Variants in SLC30A10 observed in about 807,000 individuals in gnomAD.
The protein encoded by SLC30A10 is solute carrier family 30 member 10.
Under a neutral mutation model 21.7 loss-of-function variants are expected in SLC30A10, and 8 were observed. The ratio of observed to expected loss-of-function variants is 0.37; its 90% CI spans 0.22 to 0.67. SLC30A10 has a LOEUF of 0.67. Among genes scored for constraint, SLC30A10 ranks in the 30% least tolerant of loss-of-function variants. The probability of loss-of-function intolerance (pLI) is 0.58; values close to 1 mark genes in which losing one functional copy is unlikely to be tolerated. For missense variants in SLC30A10, 521 were observed against 642.5 expected, an observed-to-expected ratio of 0.81 and a Z score of 2.04; for synonymous variants, 272 against 279.4, an observed-to-expected ratio of 0.97 and a Z score of 0.26.
At chr1:219,935,859 T>C (rs943034776) in intron 1 of SLC30A10, among the ~76,000 whole-genome samples, 4 of 152,158 alleles carry the variant, frequency 2.6e-5, no homozygotes, top group African/African-American at 9.7e-5. Flanking sequence ...TTAAAACAAA[T>C]TAGCTATTGA....
chr1:219,938,695 T>G (rs1660078601), intron 1 of SLC30A10, among the ~76,000 whole-genome samples: 1 of 152,208 alleles, frequency 6.6e-6, no homozygotes, highest in Non-Finnish European at 1.5e-5. Context: ...ATGTTATCAA[T>G]TGCTTCCAAA....
At chr1:219,952,944 CG>C (rs1358408814) in intron 1 of SLC30A10, among the ~76,000 whole-genome samples, 7 of 152,236 alleles carry the variant, frequency 4.6e-5, no homozygotes, top group African/African-American at 1.7e-4. Flanking sequence ...GACCCCTTCA[CG>C]GGACAACAAG....
At chr1:219,951,123 G>T (rs1157230667) in intron 1 of SLC30A10, among the ~76,000 whole-genome samples, 1 of 151,964 alleles carries the variant, frequency 6.6e-6, no homozygotes, top group Non-Finnish European at 1.5e-5. Flanking sequence ...ACCACATCTG[G>T]CTAATTTTTC....
chr1:219,929,874 G>T (rs1659940692), upstream of SLC30A10, among the ~76,000 whole-genome samples: 1 of 152,146 alleles, frequency 6.6e-6, no homozygotes, highest in Admixed American at 6.5e-5. Flanking sequence ...TATCCAGAAG[G>T]TAACTGTCTC....
At chr1:219,925,644 TATATATA>T (rs1342004515) in intron 2 of SLC30A10, among the ~76,000 whole-genome samples, 35 of 77,324 alleles carry the variant, frequency 4.5e-4, no homozygotes, top group African/African-American at 1.3e-3. Flanking sequence ...TATATATATA[TATATATA>T]TTTTTTTTTT....
chr1:219,912,170 C>CAA lies in SLC30A10; in HGVS notation c.*3277_*3278dup, dbSNP rs59792236. 0.014 allele frequency among the ~76,000 whole-genome samples: 1,062 copies of CAA among 74,620 alleles called. 78 individuals carry two copies. The highest frequency in any genetic ancestry group is 0.042 in the East Asian group (122 of 2,914). 49.0% of individuals were successfully genotyped at this position (74,620 alleles called of 152,430 possible). On this transcript the variant is annotated 3_prime_UTR_variant, in exon 4 of 4. Transcript: ENST00000366926. ...CCACTGGAATTTGCTCTACCAATGG[C>CAA]AAAAAAAAAAAAAAAAAAAAAAAAA...
intron 1 of SLC30A10, among the ~76,000 whole-genome samples, chr1:219,937,045 G>A (rs1498392): frequency 1.3e-5 from 2 of 152,060 alleles, no homozygotes; most frequent in African/African-American, 4.8e-5. Flanking sequence ...GAGCTCTTGG[G>A]TTATCTACAT....
intron 2 of SLC30A10, among the ~76,000 whole-genome samples, chr1:219,925,651 A>ATTTTTT (rs1210071228): frequency 1.0e-4 from 5 of 48,280 alleles, no homozygotes; most frequent in African/African-American, 2.3e-4. Context: ...ATATATATAT[A>ATTTTTT]TTTTTTTTTT....
In SLC30A10 at chr1:219,912,128, G is replaced by C. The variant is rs885291; in HGVS notation, c.*3321C>G. 1.1e-4 allele frequency among the ~76,000 whole-genome samples: 13 copies of C among 122,968 alleles called. No homozygotes were observed. Among genetic ancestry groups the C allele is most frequent in the African/African-American group, 3.4e-4 (11 of 32,202 alleles). The allele number at this position is 122,968 out of a possible 152,430, so 80.7% of individuals were successfully genotyped here. A position where few individuals can be genotyped will look rare whatever the true frequency, so the allele number is the denominator to read the frequency against. On this transcript the variant is annotated 3_prime_UTR_variant, in exon 4 of 4. Coordinates refer to ENST00000366926, the MANE Select transcript of SLC30A10 (RefSeq NM_018713.3). ...AAACACCTGTCTCTACTGAACTTTA[G>C]AGTTCTTGATTTACCACCACTGGAA... is the stretch of plus-strand genomic sequence containing the variant.
Position 219,928,269 on chromosome 1 carries a change from C to T in SLC30A10, c.172G>A (p.Gly58Ser). The T allele has an allele frequency of 6.3e-7, 1 of 1,594,630 alleles. No homozygotes were observed. Among genetic ancestry groups the T allele is most frequent in the Middle Eastern group, 1.7e-4 (1 of 6,048 alleles). ...LISLCVGLSAGYIARRPTRGF... is the reference protein window; with the variant it reads ...LISLCVGLSASYIARRPTRGF... Reference sequence around the variant, plus strand: ...CGGGTGGGGCGCCGGGCGATGTAGCCGGCGCTCAGGCCCACGCACAGCGAG... The same window carrying T: ...CGGGTGGGGCGCCGGGCGATGTAGCTGGCGCTCAGGCCCACGCACAGCGAG... Residue 58 changes from glycine to serine, a missense_variant, in exon 1 of 4, where the codon GGC becomes AGC. Coordinates refer to ENST00000366926, the MANE Select transcript of SLC30A10 (RefSeq NM_018713.3). The surrounding 1 kb of genome is among the most constrained non-coding windows in gnomAD (Gnocchi z 6.3).
chr1:219,932,258 G>A (rs573866543), upstream of SLC30A10, among the ~76,000 whole-genome samples: 12 of 152,072 alleles, frequency 7.9e-5, no homozygotes, highest in East Asian at 9.7e-4. Context: ...GAGATGGGGC[G>A]TGAGCCACTG....
intron 2 of SLC30A10, among the ~76,000 whole-genome samples, chr1:219,923,102 G>A (rs533249209): frequency 3.9e-5 from 6 of 152,300 alleles, no homozygotes; most frequent in East Asian, 1.9e-4. Context: ...TATTGGCACC[G>A]GAACAGCAAG....
At chr1:219,944,830 G>C (rs1660166759) in intron 1 of SLC30A10, among the ~76,000 whole-genome samples, 2 of 152,094 alleles carry the variant, frequency 1.3e-5, no homozygotes. Context: ...AAAAATAGAA[G>C]GAACAAACAG....
chr1:219,944,804 G>A (rs894767197), intron 1 of SLC30A10, among the ~76,000 whole-genome samples: 10 of 152,138 alleles, frequency 6.6e-5, no homozygotes, highest in South Asian at 4.1e-4. Context: ...GCCAGGAAAC[G>A]GAAAATAGAG....
At chr1:219,924,660 C>T (rs755290428) in intron 2 of SLC30A10, among the ~76,000 whole-genome samples, 41 of 152,120 alleles carry the variant, frequency 2.7e-4, no homozygotes, top group African/African-American at 9.7e-4. Flanking sequence ...CCAGCAATTC[C>T]ACCCACTAAT....
intron 1 of SLC30A10, among the ~76,000 whole-genome samples, chr1:219,950,555 T>C (rs1182318153): frequency 6.6e-6 from 1 of 151,134 alleles, no homozygotes; most frequent in Non-Finnish European, 1.5e-5. Context: ...AGGAGAATGG[T>C]GTGAACCCGG....
chr1:219,925,651 AT>A (rs1210071228), intron 2 of SLC30A10, among the ~76,000 whole-genome samples: 1,995 of 48,338 alleles, frequency 0.041, 15 homozygotes, highest in Non-Finnish European at 0.045. Flanking sequence ...ATATATATAT[AT>A]TTTTTTTTTT....
At chr1:219,921,919 G>A (rs1260634938) in intron 2 of SLC30A10, among the ~76,000 whole-genome samples, 1 of 79,490 alleles carries the variant, frequency 1.3e-5, no homozygotes, top group Non-Finnish European at 2.5e-5. Flanking sequence ...GAGAGAGAGA[G>A]ACAGAGAGAG....
intron 1 of SLC30A10, among the ~76,000 whole-genome samples, chr1:219,935,593 A>C (rs781767224): frequency 4.6e-5 from 7 of 152,236 alleles, no homozygotes; most frequent in Non-Finnish European, 1.0e-4. Context: ...TTTCTAAGCT[A>C]GATATAGAGG....
Sources: gnomAD v4.1 joint callset for allele counts (sites outside exome capture counted in the v4.1 genomes callset) on GRCh38, gnomAD v4.1.1 for gene constraint, Gnocchi (gnomAD v3.1) non-coding constraint, MANE v1.5 for transcripts, NCBI Gene and HGNC (gene_info 2026-07-23, HGNC 2026-07-21) for gene names.